ADAM8: variants seen among roughly 807,000 people sequenced by gnomAD.
ADAM8 encodes the protein ADAM metallopeptidase domain 8.
ADAM8 carries 104 observed loss-of-function variants against 102.4 expected under a neutral mutation model. That is an observed-to-expected ratio of 1.02 (90% CI 0.87 to 1.20). The LOEUF is 1.20. ADAM8 is among the 50% of genes most tolerant of loss of function. The pLI, the probability that ADAM8 is intolerant of heterozygous loss-of-function variation, is 0.00. For synonymous variants in ADAM8, 517 were observed against 485.2 expected (o/e 1.07, Z -0.86); for missense variants, 1,132 against 1,159.0 (o/e 0.98, Z 0.34).
At chr10:133,273,496 G>T in intron 5 of ADAM8, 53 bp from the exon 6 acceptor site, 2 of 1,477,458 alleles carry the variant, frequency 1.4e-6, no homozygotes, top group Non-Finnish European at 1.8e-6. Flanking sequence ...GCCTGGTCCT[G>T]CCCCGAAGGA....
At position 133,272,565 on chromosome 10, in the gene ADAM8, G is replaced by T. The variant is rs753170268; in HGVS notation, c.726C>A (p.Phe242Leu). ...TCTCCAGGCCCACCAGGACCACACG[G>T]AAGTTGAGTTTCTGATATAGCTGGA... ...HVDKLYQKLNFRVVLVGLEIW... is the reference protein window; with the variant it reads ...HVDKLYQKLNLRVVLVGLEIW... Residue 242 changes from phenylalanine (F) to leucine (L), a missense_variant, in exon 9 of 23, where the codon TTC becomes TTA. Coordinates refer to ENST00000445355, the MANE Select transcript of ADAM8 (RefSeq NM_001109.5). 3 of 1,610,782 alleles carry T rather than the reference G, an allele frequency of 1.9e-6. No individual in the cohort carries two copies. The highest frequency in any genetic ancestry group is 2.5e-6 in the Non-Finnish European group (3 of 1,179,244).
intron 20 of ADAM8, 93 bp from the exon 21 acceptor site, chr10:133,267,510 T>C: frequency 7.7e-7 from 1 of 1,299,122 alleles, no homozygotes; most frequent in Non-Finnish European, 1.1e-6. Flanking sequence ...TCCTGCCTCT[T>C]GTGTGTGCTG....
Position 133,274,277 on chromosome 10 carries a change from G to C in ADAM8, c.151-42C>G, listed in dbSNP as rs1040339772. ...GGGTCCCAGGTGAGCAGCCTGCCCG[G>C]GCTGTGCCCACCTCAATCCTGGGGG... On this transcript the variant is annotated intron_variant, in intron 2 of 22. Transcript: ENST00000445355. 3.3e-6 allele frequency: 5 copies of C among 1,497,390 alleles called. No homozygotes were observed. In the African/African-American group the frequency reaches 7.0e-5, roughly 21 times the overall value. 92.8% of individuals were successfully genotyped at this position (1,497,390 alleles called of 1,614,324 possible).
In ADAM8 at chr10:133,274,026, G is replaced by A. The variant is rs748427658; in HGVS notation, c.231C>T (p.Asp77=). ...NFTLHLRKNR[D]LLGSGYTETY... is the part of the protein sequence containing the mutation. ...TCTCTGTGTAGCCGGAGCCCAGCAG[G>A]TCCCTGGAAAAGAAGTGCTGTGACT... is the stretch of plus-strand genomic sequence containing the variant. The change falls in exon 4 of 23, where the codon GAC becomes GAT. Residue 77 remains aspartate, a synonymous_variant. Transcript: ENST00000445355. The A allele has an allele frequency of 1.2e-6, 2 of 1,605,736 alleles. No individual in the cohort carries two copies. Among genetic ancestry groups the A allele is most frequent in the East Asian group, 2.2e-5 (1 of 44,644 alleles).
intron 9 of ADAM8, 50 bp from the exon 10 acceptor site, chr10:133,272,324 T>TTCCAAC: frequency 7.0e-7 from 1 of 1,430,760 alleles, no homozygotes; most frequent in Non-Finnish European, 9.4e-7. Context: ...CCTCCCCACT[T>TTCCAAC]CCCTCCCACC....
In ADAM8 at chr10:133,275,487, G is replaced by A; in HGVS notation, c.147C>T (p.His49=). ...CCCCAGGCCAGCTTAGACTCACCAA[G>A]TGGGAGGGCAGAGCTCGGCGGACTC... The part of the protein sequence containing the change: ...GPRVRRALPS[H]LGLHPERVSY... Residue 49 remains histidine (H), a synonymous_variant, in exon 2 of 23, where the codon CAC becomes CAT. Coordinates refer to ENST00000445355, the MANE Select transcript of ADAM8 (RefSeq NM_001109.5). 6.5e-7 allele frequency: 1 copy of A among 1,534,824 alleles called. No homozygotes were observed. Among genetic ancestry groups the A allele is most frequent in the Non-Finnish European group, 8.8e-7 (1 of 1,140,758 alleles).
In ADAM8 at chr10:133,269,546, G is replaced by T; in HGVS notation, c.1864-17C>A. On this transcript the variant is annotated splice_polypyrimidine_tract_variant and intron_variant, in intron 17 of 22. Coordinates refer to ENST00000445355, the MANE Select transcript of ADAM8 (RefSeq NM_001109.5). ...GTTGCACACCTGCGGGGACGGCTGG[G>T]CTCAGGGCCAACCCTGTTGTGGACC... 1 of 1,582,494 alleles carries T rather than the reference G, an allele frequency of 6.3e-7. No homozygotes were observed. The highest frequency in any genetic ancestry group is 2.3e-5 in the East Asian group (1 of 44,350).
At chr10:133,274,585 A>G (rs1846678418) in intron 2 of ADAM8, among the ~76,000 whole-genome samples, 1 of 151,624 alleles carries the variant, frequency 6.6e-6, no homozygotes, top group South Asian at 2.1e-4. Context: ...GACAGGAAGG[A>G]CACGGTGCTC....
At chr10:133,270,336 G>A (rs368379459) in intron 16 of ADAM8, 24 bp downstream of exon 16, 19 of 1,566,512 alleles carry the variant, frequency 1.2e-5, no homozygotes, top group East Asian at 4.5e-5. Context: ...GGGGGGTGGC[G>A]CGGCCTCTGA....
chr10:133,272,428 A>C lies in ADAM8; in HGVS notation c.863T>G (p.Val288Gly). 6.3e-7 allele frequency: 1 copy of C among 1,579,418 alleles called. No homozygotes were observed. The highest frequency in any genetic ancestry group is 8.6e-7 in the Non-Finnish European group (1 of 1,162,996). The stretch of plus-strand genomic sequence containing the variant: ...TCCGCCAGCTCACGTGATGAGCTGT[A>C]CGTTGTCATGCAGGTGCCGCCGTGT... ...QRTRRHLHDN[V>G]QLITGVDFTG... Residue 288 changes from valine (V) to glycine (G), a missense_variant, in exon 9 of 23, where the codon GTA becomes GGA. Transcript: ENST00000445355.
In ADAM8 at chr10:133,273,882, G is replaced by A. The variant is rs1435940465; in HGVS notation, c.307-44C>T. 4.5e-6 allele frequency: 7 copies of A among 1,551,762 alleles called. No individual in the cohort carries two copies. In the East Asian group the frequency reaches 1.7e-4, roughly 37 times the overall value. On this transcript the variant is annotated intron_variant, in intron 4 of 22. Transcript: ENST00000445355. The stretch of plus-strand genomic sequence containing the variant: ...AGGGGTCCACAGGCTGTGCCCCCAT[G>A]GCCCCACAGGCTCGGGGAGGGCCGC...
chr10:133,272,363 C>CCA, intron 9 of ADAM8, 53 bp downstream of exon 9: 1 of 1,189,454 alleles, frequency 8.4e-7, no homozygotes, highest in Non-Finnish European at 1.2e-6. Context: ...CCACCCCACC[C>CCA]TGCCCGCCCT....
chr10:133,271,112 G>C, intron 13 of ADAM8, 42 bp from the exon 14 acceptor site: 1 of 1,595,596 alleles, frequency 6.3e-7, no homozygotes, highest in Non-Finnish European at 8.6e-7. Flanking sequence ...ACAGGTCCAC[G>C]CAAGCTGCCT....
intron 21 of ADAM8, 80 bp from the exon 22 acceptor site, chr10:133,263,845 G>T: frequency 8.2e-7 from 1 of 1,217,894 alleles, no homozygotes; most frequent in Non-Finnish European, 1.1e-6. Flanking sequence ...CTCTGGACCT[G>T]GAACGAAGCT....
In ADAM8 at chr10:133,271,931, G is replaced by A. The variant is rs745919124; in HGVS notation, c.981C>T (p.Gly327=). 9 of 1,611,652 alleles carry A rather than the reference G, an allele frequency of 5.6e-6. No homozygotes were observed. Among genetic ancestry groups the A allele is most frequent in the African/African-American group, 4.0e-5 (3 of 74,914 alleles). Residue 327 remains glycine (G), a synonymous_variant, in exon 11 of 23, where the codon GGC becomes GGT. Coordinates refer to ENST00000445355, the MANE Select transcript of ADAM8 (RefSeq NM_001109.5). ...VNQDHSKNPV[G]VACTMAHEMG... Reference sequence around the variant, plus strand: ...TCTCATGGGCCATGGTACAGGCCACGCCCACGGGGTTCTTGCTGTGGTCCT... The same window carrying A: ...TCTCATGGGCCATGGTACAGGCCACACCCACGGGGTTCTTGCTGTGGTCCT...
chr10:133,271,182 G>A lies in ADAM8; in HGVS notation c.1374+18C>T. The A allele has an allele frequency of 6.2e-7, 1 of 1,606,956 alleles. No individual in the cohort carries two copies. Among genetic ancestry groups the A allele is most frequent in the Non-Finnish European group, 8.5e-7 (1 of 1,176,308 alleles). ...CAGCCATGGGCTCTGGGGGTCACTG[G>A]TGGGAGGCTGCACTCACCTTGCACT... On this transcript the variant is annotated intron_variant, in intron 13 of 22. Transcript: ENST00000445355.
intron 20 of ADAM8, 141 bp from the exon 21 acceptor site, chr10:133,267,558 G>A: frequency 1.2e-6 from 1 of 819,050 alleles, no homozygotes; most frequent in South Asian, 1.8e-5. Flanking sequence ...CACCCCAGAT[G>A]AGAGGCCCCG....
chr10:133,272,132 C>T (rs750557210), intron 10 of ADAM8, 61 bp downstream of exon 10: 12 of 1,519,610 alleles, frequency 7.9e-6, no homozygotes, highest in Admixed American at 2.0e-5. Context: ...TGGACCGAGG[C>T]GTCCCCTCCC....
chr10:133,271,713 G>A lies in ADAM8; in HGVS notation c.1107-8C>T, dbSNP rs574892373. ...ATCCTGGGGAAACTGGAGCTGGGGA[G>A]GCGGGGCAGCATTGGGGGAGGCGGC... On this transcript the variant is annotated splice_region_variant and splice_polypyrimidine_tract_variant and intron_variant, in intron 11 of 22. Coordinates refer to ENST00000445355, the MANE Select transcript of ADAM8 (RefSeq NM_001109.5). The A allele has an allele frequency of 1.3e-6, 2 of 1,546,006 alleles. No homozygotes were observed. The highest frequency in any genetic ancestry group is 2.4e-5 in the South Asian group (2 of 83,802).
Sources: gnomAD v4.1 joint callset for allele counts (sites outside exome capture counted in the v4.1 genomes callset) on GRCh38, gnomAD v4.1.1 for gene constraint, MANE v1.5 for transcripts, NCBI Gene and HGNC (gene_info 2026-07-23, HGNC 2026-07-21) for gene names.